The following SAMD12 variants were observed in gnomAD, a reference collection of about 807,000 sequenced individuals.
SAMD12 encodes the protein sterile alpha motif domain-containing protein 12.
In SAMD12, 9 loss-of-function variants were observed where a neutral mutation model predicts 15.0. The ratio of observed to expected loss-of-function variants is 0.60; its 90% CI spans 0.36 to 1.05. SAMD12 has a LOEUF of 1.05. SAMD12 is among the 50% of genes least tolerant of loss of function. SAMD12 has a pLI of 0.01. For synonymous variants in SAMD12, 86 were observed against 90.1 expected, an observed-to-expected ratio of 0.96 and a Z score of 0.25; for missense variants, 230 against 234.2, an observed-to-expected ratio of 0.98 and a Z score of 0.12.
chr8:118,353,639 G>A (rs1818073636), intron 4 of SAMD12, among the ~76,000 whole-genome samples: 1 of 152,124 alleles, frequency 6.6e-6, no homozygotes, highest in Non-Finnish European at 1.5e-5. Flanking sequence ...TGTTATAGCA[G>A]CTGAAACTAA....
intron 2 of SAMD12, among the ~76,000 whole-genome samples, chr8:118,538,420 A>G (rs915087136): frequency 2.0e-5 from 3 of 152,202 alleles, no homozygotes; most frequent in Non-Finnish European, 4.4e-5. Flanking sequence ...GGCTGGCCAG[A>G]ACTCAGGCTC....
chr8:118,296,072 C>A (rs1814694926), intron 4 of SAMD12, among the ~76,000 whole-genome samples: 1 of 152,182 alleles, frequency 6.6e-6, no homozygotes, highest in African/African-American at 2.4e-5. Flanking sequence ...ATGACCGTAA[C>A]TGAGCATTTC....
At chr8:118,372,076 C>T (rs1023104850) in intron 4 of SAMD12, among the ~76,000 whole-genome samples, 7 of 152,068 alleles carry the variant, frequency 4.6e-5, no homozygotes, top group African/African-American at 1.7e-4. Flanking sequence ...AAATAAAAGG[C>T]ATGAAAGAGC....
At chr8:118,561,976 T>C (rs1826713797) in intron 2 of SAMD12, among the ~76,000 whole-genome samples, 1 of 152,162 alleles carries the variant, frequency 6.6e-6, no homozygotes, top group African/African-American at 2.4e-5. Context: ...CAACATCCAG[T>C]AATTGAGTAT....
chr8:118,265,628 C>T (rs1156409012), intron 4 of SAMD12, among the ~76,000 whole-genome samples: 4 of 151,424 alleles, frequency 2.6e-5, no homozygotes, highest in Non-Finnish European at 5.9e-5. Flanking sequence ...TAGATTCCCT[C>T]TCTTTGGATC....
chr8:118,498,171 C>A (rs1258326765), intron 2 of SAMD12, among the ~76,000 whole-genome samples: 1 of 152,146 alleles, frequency 6.6e-6, no homozygotes, highest in Admixed American at 6.5e-5. Context: ...GACAAATTTA[C>A]CTTCACTTTT....
chr8:118,171,101 T>C, the SAMD12 span, among the ~76,000 whole-genome samples: 1 of 152,212 alleles, frequency 6.6e-6, no homozygotes, highest in Non-Finnish European at 1.5e-5. Context: ...ATTCTGCAAA[T>C]GTAAACTAAA....
At chr8:118,170,362 G>C in the SAMD12 span, among the ~76,000 whole-genome samples, 1 of 152,162 alleles carries the variant, frequency 6.6e-6, no homozygotes, top group South Asian at 2.1e-4. Context: ...GGGGCTTAAA[G>C]TGATCTTTAA....
At chr8:118,318,252 T>C (rs1249762563) in intron 4 of SAMD12, among the ~76,000 whole-genome samples, 1 of 149,138 alleles carries the variant, frequency 6.7e-6, no homozygotes, top group African/African-American at 2.5e-5. Flanking sequence ...CATATGTTTA[T>C]TGCAGCTCAA....
chr8:118,289,747 C>A (rs867793006), intron 4 of SAMD12, among the ~76,000 whole-genome samples: 2 of 152,128 alleles, frequency 1.3e-5, no homozygotes, highest in South Asian at 2.1e-4. Context: ...TGCATTCTCC[C>A]TAAAGTTCTG....
At chr8:118,551,559 C>A (rs187632947) in intron 2 of SAMD12, among the ~76,000 whole-genome samples, 1 of 151,972 alleles carries the variant, frequency 6.6e-6, no homozygotes, top group African/African-American at 2.4e-5. Context: ...CAGTAAATGC[C>A]AACAAGAGAA....
intron 2 of SAMD12, among the ~76,000 whole-genome samples, chr8:118,480,048 T>C (rs1323572223): frequency 1.3e-5 from 2 of 152,164 alleles, no homozygotes; most frequent in African/African-American, 4.8e-5. Flanking sequence ...AAAGAAAAAA[T>C]TAGGCATGCG....
At chr8:118,542,719 C>T (rs997356485) in intron 2 of SAMD12, among the ~76,000 whole-genome samples, 1 of 152,190 alleles carries the variant, frequency 6.6e-6, no homozygotes, top group Non-Finnish European at 1.5e-5. Flanking sequence ...TAATAAGCTG[C>T]CTGTAAATAC....
At chr8:118,401,164 G>A (rs1342804943) in intron 3 of SAMD12, among the ~76,000 whole-genome samples, 1 of 152,160 alleles carries the variant, frequency 6.6e-6, no homozygotes, top group East Asian at 1.9e-4. Context: ...AAAGCATCCA[G>A]ATCATTTCTG....
chr8:118,482,301 T>G (rs1228782916), intron 2 of SAMD12, among the ~76,000 whole-genome samples: 2 of 152,170 alleles, frequency 1.3e-5, no homozygotes, highest in African/African-American at 2.4e-5. Flanking sequence ...AGAGACTTTT[T>G]GAAGGGAAAA....
chr8:118,497,723 CGG>C (rs57304177), intron 2 of SAMD12, among the ~76,000 whole-genome samples: 2 of 58,788 alleles, frequency 3.4e-5, no homozygotes, highest in East Asian at 8.6e-4. Context: ...ACTTAAGTTG[CGG>C]GGGGGGGTGG....
At chr8:118,148,537 A>G in the SAMD12 span, among the ~76,000 whole-genome samples, 1 of 152,184 alleles carries the variant, frequency 6.6e-6, no homozygotes, top group Non-Finnish European at 1.5e-5. Context: ...TTGAGTTATA[A>G]TATATATACC....
chr8:118,554,830 A>G (rs1826476620), intron 2 of SAMD12, among the ~76,000 whole-genome samples: 1 of 152,208 alleles, frequency 6.6e-6, no homozygotes, highest in Non-Finnish European at 1.5e-5. Flanking sequence ...TAAGACTGCA[A>G]CATAGAAATC....
the SAMD12 span, among the ~76,000 whole-genome samples, chr8:118,163,667 A>G: frequency 1.3e-5 from 2 of 151,580 alleles, no homozygotes; most frequent in Admixed American, 1.3e-4. Flanking sequence ...CGAGGTCAGG[A>G]GATCGAGACC....
Sources: allele counts gnomAD v4.1 joint callset (sites outside exome capture counted in the v4.1 genomes callset), GRCh38; gene constraint gnomAD v4.1.1; transcripts MANE v1.5; gene names NCBI Gene and HGNC (gene_info 2026-07-23, HGNC 2026-07-21).